Variants in VSTM2A observed in about 807,000 individuals in gnomAD.
VSTM2A encodes V-set and transmembrane domain containing 2A, also known as V-set and transmembrane domain-containing protein 2A.
A neutral mutation model predicts 27.3 loss-of-function variants in VSTM2A; 13 were observed. The observed-to-expected ratio is 0.48, with a 90% CI of 0.31 to 0.76. The LOEUF (loss-of-function observed/expected upper bound fraction) is 0.76, where lower values mean the gene tolerates loss of function less well. Ranked by LOEUF, VSTM2A falls within the 30% of genes least tolerant of loss-of-function variation. The pLI is 0.05. For synonymous variants in VSTM2A, 142 were observed against 125.7 expected (o/e 1.13, Z -0.87); for missense variants, 280 against 310.0 (o/e 0.90, Z 0.73).
At chr7:54,555,438 A>G (rs1036671741) in intron 4 of VSTM2A, among the ~76,000 whole-genome samples, 2 of 152,146 alleles carry the variant, frequency 1.3e-5, no homozygotes, top group African/African-American at 4.8e-5. Flanking sequence ...TGTTACCTCT[A>G]TGGCTTTGCA....
At chr7:54,551,534 A>G (rs763646298) in intron 4 of VSTM2A, 1 of 152,140 alleles carries the variant, frequency 6.6e-6, no homozygotes, top group Admixed American at 6.5e-5. Flanking sequence ...TTTTTTCTTT[A>G]TAATCTTTTC....
At chr7:54,562,324 C>T (rs1788587901) in intron 4 of VSTM2A, among the ~76,000 whole-genome samples, 1 of 151,968 alleles carries the variant, frequency 6.6e-6, no homozygotes, top group Admixed American at 6.6e-5. Flanking sequence ...ATGTTTCTTC[C>T]CTTCTTTCTT....
Position 54,542,563 on chromosome 7 carries a change from GA to G in VSTM2A, c.-166del. 1.6e-6 allele frequency: 1 copy of G among 625,262 alleles called. No homozygotes were observed. The highest frequency in any genetic ancestry group is 2.8e-6 in the Non-Finnish European group (1 of 352,890). 38.7% of individuals were successfully genotyped at this position (625,262 alleles called of 1,614,324 possible). Reference sequence around the variant, plus strand: ...CCAGCCAGCTGGTTCTAACCTTCCAGAATCGCAATCCCTTCTCCCCACAGCC... The same window carrying G: ...CCAGCCAGCTGGTTCTAACCTTCCAGATCGCAATCCCTTCTCCCCACAGCC... On this transcript the variant is annotated 5_prime_UTR_variant, in exon 1 of 5. Coordinates refer to ENST00000402613, the MANE Select transcript of VSTM2A (RefSeq NM_001301009.2).
At chr7:54,557,611 G>A (rs1183552248) in intron 4 of VSTM2A, among the ~76,000 whole-genome samples, 3 of 152,090 alleles carry the variant, frequency 2.0e-5, no homozygotes, top group Non-Finnish European at 4.4e-5. Context: ...TGAGATTGCA[G>A]GCATGAGCCA....
In VSTM2A at chr7:54,569,348, C is replaced by A; in HGVS notation, c.*129C>A. 2 of 1,438,072 alleles carry A rather than the reference C, an allele frequency of 1.4e-6. No individual in the cohort carries two copies. Among genetic ancestry groups the A allele is most frequent in the Non-Finnish European group, 1.9e-6 (2 of 1,079,042 alleles). The allele number at this position is 1,438,072 out of a possible 1,614,324, so 89.1% of individuals were successfully genotyped here. A position where few individuals can be genotyped will look rare whatever the true frequency, so the allele number is the denominator to read the frequency against. On this transcript the variant is annotated 3_prime_UTR_variant, in exon 5 of 5. Transcript: ENST00000402613. ...AGAGAATTAACGTGAAGTGATAGAA[C>A]GTTTTCTAATAGCAAGATCTATTTT...
intron 4 of VSTM2A, among the ~76,000 whole-genome samples, chr7:54,566,822 C>T (rs979526194): frequency 6.6e-6 from 1 of 152,154 alleles, no homozygotes; most frequent in Non-Finnish European, 1.5e-5. Context: ...CCTGGCTCTG[C>T]GTGTCTCACA....
At chr7:54,558,659 AAAC>A (rs1241239667) in intron 4 of VSTM2A, 1 of 152,132 alleles carries the variant, frequency 6.6e-6, no homozygotes, top group Non-Finnish European at 1.5e-5. Flanking sequence ...AAGAAAATAA[AAAC>A]AAGCCTGGAA....
In VSTM2A at chr7:54,549,843, G is replaced by A. The variant is rs1224008399; in HGVS notation, c.307G>A (p.Val103Ile). The change falls in exon 4 of 5, where the codon GTC becomes ATC. Residue 103 changes from valine (V) to isoleucine (I), a missense_variant. Transcript: ENST00000402613. Reference protein sequence around the residue: ...SDGTKISTVKVQGNDISHKLQ... With the variant: ...SDGTKISTVKIQGNDISHKLQ... The stretch of plus-strand genomic sequence containing the variant: ...ACCTGCAATTTTTCAGACAGTGAAA[G>A]TCCAAGGCAATGACATCTCCCACAA... 2 of 1,594,202 alleles carry A rather than the reference G, an allele frequency of 1.3e-6. No homozygotes were observed. Among genetic ancestry groups the A allele is most frequent in the East Asian group, 2.2e-5 (1 of 44,616 alleles).
rs1787820535 is a variant in VSTM2A, at chr7:54,542,697, G to A, written c.-34G>A. ...TTTCTTTCAGGGCTTTTCGGCTGTT[G>A]GCTACACTGATGTGACCCCCCTCCC... is the stretch of plus-strand genomic sequence containing the variant. On this transcript the variant is annotated 5_prime_UTR_variant, in exon 1 of 5. Transcript: ENST00000402613. The A allele has an allele frequency of 6.2e-7, 1 of 1,604,244 alleles. No individual in the cohort carries two copies.
At chr7:54,546,579 C>G (rs1787990814) in intron 2 of VSTM2A, 1 of 135,966 alleles carries the variant, frequency 7.4e-6, no homozygotes, top group South Asian at 2.3e-4. Flanking sequence ...CGCCCGCCCA[C>G]CCACCTCCGG....
intron 4 of VSTM2A, among the ~76,000 whole-genome samples, chr7:54,566,409 T>A (rs1339637029): frequency 6.6e-6 from 1 of 151,652 alleles, no homozygotes; most frequent in East Asian, 1.9e-4. Context: ...ATCAGTGAGG[T>A]GAGATACAAA....
chr7:54,569,136 A>G lies in VSTM2A; in HGVS notation c.640A>G (p.Ser214Gly), dbSNP rs1788814107. ...IPKQSPQSAK[S>G]KSPVKSTERT... ...ATCACTTTCTCTTCTTAAAGCAAAG[A>G]GCAAATCGCCTGTAAAATCTACGGA... is the stretch of plus-strand genomic sequence containing the variant. Residue 214 changes from serine to glycine, a missense_variant, in exon 5 of 5, where the codon AGC (serine) becomes GGC (glycine). Transcript: ENST00000402613. 6.4e-7 allele frequency: 1 copy of G among 1,563,240 alleles called. No individual in the cohort carries two copies.
At chr7:54,553,167 C>A (rs945783008) in intron 4 of VSTM2A, among the ~76,000 whole-genome samples, 4 of 152,160 alleles carry the variant, frequency 2.6e-5, no homozygotes, top group Non-Finnish European at 5.9e-5. Context: ...ACGGCTAGTC[C>A]CATACCTTTT....
At chr7:54,551,422 T>G (rs571909737) in intron 4 of VSTM2A, 1 of 137,412 alleles carries the variant, frequency 7.3e-6, no homozygotes, top group East Asian at 1.9e-4. Flanking sequence ...ATAATGTAGA[T>G]GAGCAACTCT....
rs1325963152 is a variant in VSTM2A, at chr7:54,544,683, C to T, written c.141C>T (p.Ser47=). 3 of 1,612,956 alleles carry T rather than the reference C, an allele frequency of 1.9e-6. No homozygotes were observed. The South Asian group carries it at 3.3e-5, about 18-fold the overall frequency. The change falls in exon 2 of 5, where the codon TCC becomes TCT. Residue 47 remains serine (S), a synonymous_variant. Transcript: ENST00000402613. ...TATEGQNVEM[S]CAFQSGSASV... ...CCGAGGGGCAGAATGTGGAGATGTC[C>T]TGCGCCTTCCAGAGCGGCTCCGCCT... is the stretch of plus-strand genomic sequence containing the variant.
At chr7:54,567,931 A>G (rs533058990) in intron 4 of VSTM2A, among the ~76,000 whole-genome samples, 27 of 152,244 alleles carry the variant, frequency 1.8e-4, no homozygotes, top group Non-Finnish European at 2.9e-4. Context: ...CTGAGCTATC[A>G]CTGTTGCATT....
At chr7:54,561,969 G>A (rs1279687672) in intron 4 of VSTM2A, among the ~76,000 whole-genome samples, 1 of 151,904 alleles carries the variant, frequency 6.6e-6, no homozygotes, top group Admixed American at 6.6e-5. Flanking sequence ...CTGTCACCCA[G>A]GCTGGAGTGC....
chr7:54,553,962 C>T (rs1229681383), intron 4 of VSTM2A: 2 of 1,552,476 alleles, frequency 1.3e-6, no homozygotes, highest in East Asian at 2.4e-5. Flanking sequence ...TACTGACCCC[C>T]TTCCCACCTT....
rs148697966 is a variant in VSTM2A, at chr7:54,568,500, A to G, written c.635-631A>G. ...CTCTTTCAGGAGTTTCCAATTCTTG[A>G]TAGCACTAACTTTCTCCAAGATTTC... On this transcript the variant is annotated intron_variant, in intron 4 of 4. Transcript: ENST00000402613. Among the ~76,000 whole-genome samples, 729 of 152,118 alleles carry G rather than the reference A, an allele frequency of 4.8e-3. 9 individuals are homozygous for G. Among genetic ancestry groups the G allele is most frequent in the African/African-American group, 0.017 (689 of 41,510 alleles).
Sources: allele counts gnomAD v4.1 joint callset (sites outside exome capture counted in the v4.1 genomes callset), GRCh38; gene constraint gnomAD v4.1.1; transcripts MANE v1.5; gene names NCBI Gene and HGNC (gene_info 2026-07-23, HGNC 2026-07-21).